N4BP2: variants seen among roughly 807,000 people sequenced by gnomAD.
N4BP2 encodes the protein NEDD4 binding protein 2.
In N4BP2, 91 loss-of-function variants were observed where a neutral mutation model predicts 152.8. That is an observed-to-expected ratio of 0.60 (90% CI 0.50 to 0.71). The LOEUF is 0.71. Ranked by LOEUF, N4BP2 falls within the 30% of genes least tolerant of loss-of-function variation. N4BP2 has a pLI of 0.00. For synonymous variants in N4BP2, 646 were observed against 705.3 expected (o/e 0.92, Z 1.33); for missense variants, 1,923 against 2,059.1 (o/e 0.93, Z 1.28).
chr4:40,154,097 T>C, intron 17 of N4BP2, 95 bp from the exon 18 acceptor site: 1 of 832,436 alleles, frequency 1.2e-6, no homozygotes, highest in South Asian at 1.5e-5. Flanking sequence ...GTAAATATTA[T>C]ATTAAGCGTA....
intron 2 of N4BP2, among the ~76,000 whole-genome samples, chr4:40,092,030 A>ATATATC (rs1714648910): frequency 8.2e-6 from 1 of 122,076 alleles, no homozygotes; most frequent in Non-Finnish European, 1.7e-5. Context: ...ATATATATAT[A>ATATATC]TATATATATA....
At chr4:40,116,355 A>T (rs930557670) in intron 7 of N4BP2, among the ~76,000 whole-genome samples, 4 of 151,862 alleles carry the variant, frequency 2.6e-5, no homozygotes, top group Admixed American at 2.6e-4. Context: ...CTTTTTGTTT[A>T]TCTCGCCTTT....
chr4:40,124,705 G>A (rs539873517), intron 11 of N4BP2, among the ~76,000 whole-genome samples: 1 of 152,138 alleles, frequency 6.6e-6, no homozygotes, highest in African/African-American at 2.4e-5. Flanking sequence ...CTTAAAGGGG[G>A]AAAAAGCCCC....
intron 12 of N4BP2, among the ~76,000 whole-genome samples, chr4:40,131,170 T>G (rs1718872731): frequency 6.6e-6 from 1 of 152,196 alleles, no homozygotes; most frequent in Non-Finnish European, 1.5e-5. Context: ...GTGTCACTTT[T>G]ATGAGGACCC....
At chr4:40,096,071 G>T (rs1294978743) in intron 2 of N4BP2, among the ~76,000 whole-genome samples, 2 of 152,106 alleles carry the variant, frequency 1.3e-5, no homozygotes, top group African/African-American at 4.8e-5. Flanking sequence ...TTTTGGATAT[G>T]TTAAGTTTGA....
chr4:40,103,006 T>A lies in N4BP2; in HGVS notation c.1161T>A (p.Ala387=). 1 of 1,614,204 alleles carries A rather than the reference T, an allele frequency of 6.2e-7. No homozygotes were observed. Among genetic ancestry groups the A allele is most frequent in the South Asian group, 1.1e-5 (1 of 91,086 alleles). ...TTGTAGCTCCTGTTGTAACCACAGC[T>A]GCACACTGGAGATCTGTCAACTACA... ...HGFVAPVVTT[A]AHWRSVNYTF... Residue 387 remains alanine (A), a synonymous_variant, in exon 4 of 18, where the codon GCT becomes GCA. Transcript: ENST00000261435.
In N4BP2 at chr4:40,142,821, G is replaced by T; in HGVS notation, c.4934G>T (p.Arg1645Leu). 2 of 1,613,694 alleles carry T rather than the reference G, an allele frequency of 1.2e-6. No homozygotes were observed. Among genetic ancestry groups the T allele is most frequent in the Non-Finnish European group, 1.7e-6 (2 of 1,179,936 alleles). ...ECYSKAKEAYRIGKKNVATFY... is the reference protein window; with the variant it reads ...ECYSKAKEAYLIGKKNVATFY... ...TACAGCAAGGCCAAAGAAGCTTATC[G>T]GATAGGGAAAAAAAATGTCGCCACC... The change falls in exon 15 of 18, where the codon CGG becomes CTG. Residue 1645 changes from arginine to leucine, a missense_variant. By Grantham distance (102) the Arg-to-Leu change is moderately radical. Coordinates refer to ENST00000261435, the MANE Select transcript of N4BP2 (RefSeq NM_018177.6).
chr4:40,111,579 A>G (rs1259107870), intron 5 of N4BP2, among the ~76,000 whole-genome samples: 1 of 151,732 alleles, frequency 6.6e-6, no homozygotes, highest in Non-Finnish European at 1.5e-5. Context: ...TTGGCCTCCC[A>G]AAGTGCTGGG....
intron 2 of N4BP2, among the ~76,000 whole-genome samples, chr4:40,084,861 C>T (rs2109926642): frequency 6.6e-6 from 1 of 150,914 alleles, no homozygotes; most frequent in East Asian, 2.0e-4. Flanking sequence ...GTGATCTGCC[C>T]ACCTTGGCCT....
Position 40,121,042 on chromosome 4 carries a change from T to A in N4BP2, c.2931T>A (p.Leu977=). The A allele has an allele frequency of 6.2e-7, 1 of 1,614,096 alleles. No individual in the cohort carries two copies. Among genetic ancestry groups the A allele is most frequent in the Non-Finnish European group, 8.5e-7 (1 of 1,180,010 alleles). The change falls in exon 9 of 18, where the codon CTT becomes CTA. Residue 977 remains leucine (L), a synonymous_variant. Coordinates refer to ENST00000261435, the MANE Select transcript of N4BP2 (RefSeq NM_018177.6). ...ATGGGCAACACACATCGTTGCCTCT[T>A]ACTTTTACCAATAGTGCACCAACTG... The part of the protein sequence containing the change: ...KSHGQHTSLP[L]TFTNSAPTVS...
the N4BP2 span, chr4:40,166,606 T>C: frequency 6.6e-6 from 1 of 152,114 alleles, no homozygotes; most frequent in Non-Finnish European, 1.5e-5. Context: ...GGAGAATCAC[T>C]TGAACCCAGG....
intron 7 of N4BP2, among the ~76,000 whole-genome samples, chr4:40,114,389 T>C (rs13106923): frequency 6.6e-6 from 1 of 152,080 alleles, no homozygotes; most frequent in Non-Finnish European, 1.5e-5. Context: ...GTTACTCTAG[T>C]TCCCCCCTCC....
chr4:40,125,462 T>C (rs1638469834), intron 11 of N4BP2, among the ~76,000 whole-genome samples: 1 of 152,238 alleles, frequency 6.6e-6, no homozygotes, highest in Admixed American at 6.5e-5. Flanking sequence ...GAGCAGACTG[T>C]AGCTGTTATG....
chr4:40,069,392 A>G (rs148517413), intron 1 of N4BP2, among the ~76,000 whole-genome samples: 1 of 152,292 alleles, frequency 6.6e-6, no homozygotes, highest in African/African-American at 2.4e-5. Context: ...GCACCACTGC[A>G]CGAAAGAGTG....
chr4:40,083,559 C>T (rs1027852841), intron 2 of N4BP2, among the ~76,000 whole-genome samples: 12 of 152,024 alleles, frequency 7.9e-5, no homozygotes, highest in African/African-American at 2.4e-4. Flanking sequence ...ACATGCCAAG[C>T]GAAAGGAGCC....
intron 1 of N4BP2, among the ~76,000 whole-genome samples, chr4:40,073,036 C>T (rs936373221): frequency 6.6e-6 from 1 of 152,102 alleles, no homozygotes; most frequent in African/African-American, 2.4e-5. Flanking sequence ...AATTTCTTTA[C>T]CAACTTTTCA....
chr4:40,079,078 C>T (rs1262469714), intron 2 of N4BP2, among the ~76,000 whole-genome samples: 1 of 151,996 alleles, frequency 6.6e-6, no homozygotes, highest in African/African-American at 2.4e-5. Context: ...TGCACCACCA[C>T]ACTCGGCTAA....
chr4:40,101,579 T>G (rs1672053443), intron 3 of N4BP2, among the ~76,000 whole-genome samples: 2 of 152,212 alleles, frequency 1.3e-5, no homozygotes, highest in South Asian at 4.1e-4. Context: ...TACAAAATAT[T>G]TCTGATATGC....
At chr4:40,100,260 A>G in intron 3 of N4BP2, 1 of 262,978 alleles carries the variant, frequency 3.8e-6, no homozygotes, top group South Asian at 3.3e-5. Flanking sequence ...GCTGTTACCT[A>G]CTCTGCTGTG....
Sources: allele counts gnomAD v4.1 joint callset (sites outside exome capture counted in the v4.1 genomes callset), GRCh38; gene constraint gnomAD v4.1.1; transcripts MANE v1.5; gene names NCBI Gene and HGNC (gene_info 2026-07-23, HGNC 2026-07-21).